IQCH: variants seen among roughly 807,000 people sequenced by gnomAD.
The protein encoded by IQCH is IQ domain-containing protein H.
IQCH carries 98 observed loss-of-function variants against 117.0 expected under a neutral mutation model. That is an observed-to-expected ratio of 0.84 (90% CI 0.71 to 0.99). The LOEUF (loss-of-function observed/expected upper bound fraction) is 0.99, where lower values mean the gene tolerates loss of function less well. Ranked by LOEUF, IQCH falls within the 50% of genes least tolerant of loss-of-function variation. The pLI is 0.00. For missense variants in IQCH, 1,102 were observed against 1,243.8 expected, an observed-to-expected ratio of 0.89 and a Z score of 1.72; for synonymous variants, 412 against 448.2, an observed-to-expected ratio of 0.92 and a Z score of 1.02.
Position 67,425,632 on chromosome 15 carries a change from C to T in IQCH, c.2505+4055C>T, listed in dbSNP as rs1229465268. Among the ~76,000 whole-genome samples the T allele has an allele frequency of 6.6e-6, 1 of 152,116 alleles. No individual in the cohort carries two copies. The highest frequency in any genetic ancestry group is 6.5e-5 in the Admixed American group (1 of 15,268). On this transcript the variant is annotated intron_variant, in intron 16 of 20. Coordinates refer to ENST00000335894, the MANE Select transcript of IQCH (RefSeq NM_001031715.3). This position sits in a 1 kb window ranked among gnomAD's most constrained non-coding sequence, Gnocchi z 5.5. ...GTCTCAAAAAACAAATTACTATTTC[C>T]TCCCTTGTAATTGATTAGTAATATT...
chr15:67,486,214 A>G (rs561349036), intron 18 of IQCH, among the ~76,000 whole-genome samples: 215 of 150,336 alleles, frequency 1.4e-3, no homozygotes, highest in African/African-American at 5.1e-3. Context: ...TTCTTTTTGT[A>G]TTTTTAATAG....
chr15:67,358,247 C>G (rs1174001928), intron 7 of IQCH, among the ~76,000 whole-genome samples: 1 of 71,490 alleles, frequency 1.4e-5, no homozygotes, highest in Non-Finnish European at 2.7e-5. Flanking sequence ...CTCTGTCACC[C>G]AGGCTGGCAC....
intron 15 of IQCH, among the ~76,000 whole-genome samples, chr15:67,418,463 A>C (rs1240487329): frequency 6.6e-6 from 1 of 151,012 alleles, no homozygotes; most frequent in East Asian, 2.0e-4. Flanking sequence ...ACTGATAGAC[A>C]AGTAAGGAAA....
rs2082590211 is a variant in IQCH at position 67,453,706 on chromosome 15, C to T, written c.2506-11421C>T. ...CTTGAGGAGGCAGTCTGCCCGTTCT[C>T]AGATCTCAAGCTGCATGCTGGGAGA... On this transcript the variant is annotated intron_variant, in intron 16 of 20. Transcript: ENST00000335894. This position sits in a 1 kb window ranked among gnomAD's most constrained non-coding sequence, Gnocchi z 5.8. 6.6e-6 allele frequency among the ~76,000 whole-genome samples: 1 copy of T among 152,214 alleles called. No individual in the cohort carries two copies. Among genetic ancestry groups the T allele is most frequent in the African/African-American group, 2.4e-5 (1 of 41,454 alleles).
chr15:67,464,564 G>A (rs1453479954), intron 16 of IQCH, among the ~76,000 whole-genome samples: 1 of 152,174 alleles, frequency 6.6e-6, no homozygotes, highest in Non-Finnish European at 1.5e-5. Context: ...TGTAGGACTG[G>A]TAAAATAAGA....
At chr15:67,262,437 G>A (rs1358006020) in intron 2 of IQCH, among the ~76,000 whole-genome samples, 1 of 152,340 alleles carries the variant, frequency 6.6e-6, no homozygotes, top group Non-Finnish European at 1.5e-5. Flanking sequence ...CCAAGGCTGT[G>A]AGAAATGTGG....
At chr15:67,451,789 C>G (rs942268022) in intron 16 of IQCH, among the ~76,000 whole-genome samples, 12 of 152,144 alleles carry the variant, frequency 7.9e-5, no homozygotes, top group Admixed American at 3.3e-4. Flanking sequence ...TGTTAACTTT[C>G]TGTCTCGTCG....
chr15:67,341,575 A>G (rs1969176451), intron 5 of IQCH, among the ~76,000 whole-genome samples: 1 of 152,224 alleles, frequency 6.6e-6, no homozygotes, highest in Admixed American at 6.5e-5. Context: ...TTCCTGTGAG[A>G]TACATCATTT....
chr15:67,410,340 G>A (rs2081417335), intron 14 of IQCH, among the ~76,000 whole-genome samples: 1 of 152,212 alleles, frequency 6.6e-6, no homozygotes, highest in Admixed American at 6.5e-5. Context: ...CTTCAGACAA[G>A]GCTCAATGAT....
chr15:67,409,683 C>T (rs539928638), intron 14 of IQCH, among the ~76,000 whole-genome samples: 1 of 152,326 alleles, frequency 6.6e-6, no homozygotes, highest in African/African-American at 2.4e-5. Context: ...GAATCACTTG[C>T]CACACAGCCG....
At position 67,491,850 on chromosome 15, in the gene IQCH, G is replaced by A. The variant is rs2141094453; in HGVS notation, c.2861+1786G>A. Among the ~76,000 whole-genome samples the A allele has an allele frequency of 6.6e-6, 1 of 152,132 alleles. No individual in the cohort carries two copies. Among genetic ancestry groups the A allele is most frequent in the South Asian group, 2.1e-4 (1 of 4,794 alleles). ...GAAAGCATTTTATCAACTGTGCCAG[G>A]CACAGTTCTAGGTGCTGGGGAAACA... On this transcript the variant is annotated intron_variant, in intron 19 of 20. Transcript: ENST00000335894. The surrounding 1 kb of genome is among the most constrained non-coding windows in gnomAD (Gnocchi z 4.9).
intron 4 of IQCH, among the ~76,000 whole-genome samples, chr15:67,295,159 C>A (rs891216830): frequency 6.6e-6 from 1 of 152,148 alleles, no homozygotes. Flanking sequence ...GATGATCTCT[C>A]TTCATACTCG....
At chr15:67,303,568 G>A (rs1967156196) in intron 4 of IQCH, among the ~76,000 whole-genome samples, 1 of 152,096 alleles carries the variant, frequency 6.6e-6, no homozygotes, top group Admixed American at 6.6e-5. Flanking sequence ...AGACCATTAA[G>A]TCTAACATGC....
chr15:67,490,495 C>T lies in IQCH; in HGVS notation c.2861+431C>T, dbSNP rs1440376061. Among the ~76,000 whole-genome samples the T allele has an allele frequency of 4.6e-5, 7 of 152,096 alleles. No homozygotes were observed. Among genetic ancestry groups the T allele is most frequent in the Admixed American group, 1.3e-4 (2 of 15,270 alleles). On this transcript the variant is annotated intron_variant, in intron 19 of 20. Coordinates refer to ENST00000335894, the MANE Select transcript of IQCH (RefSeq NM_001031715.3). This position sits in a 1 kb window ranked among gnomAD's most constrained non-coding sequence, Gnocchi z 4.9. ...CTGGGATTACAGGCCTGAGCCACTG[C>T]GCCCAGCCTAGGTATTTTATAAAAT...
chr15:67,323,444 G>A (rs940221477), intron 4 of IQCH, among the ~76,000 whole-genome samples: 14 of 151,804 alleles, frequency 9.2e-5, no homozygotes, highest in East Asian at 1.9e-4. Flanking sequence ...GGGTTTCACC[G>A]TGTTAGCCAG....
chr15:67,474,080 G>GTC lies in IQCH; in HGVS notation c.2677-1615_2677-1614insCT, dbSNP rs1278644987. Among the ~76,000 whole-genome samples, 4 of 150,270 alleles carry GTC rather than the reference G, an allele frequency of 2.7e-5. No individual in the cohort carries two copies. The highest frequency in any genetic ancestry group is 9.9e-5 in the African/African-American group (4 of 40,378). Reference sequence around the variant, plus strand: ...CCACGAAATCTGAGTGTGTGTGTGTGTGTGTGTGTGTGTGTGTGTGTGTGG... The same window carrying GTC: ...CCACGAAATCTGAGTGTGTGTGTGTGTCTGTGTGTGTGTGTGTGTGTGTGTGG... On this transcript the variant is annotated intron_variant, in intron 17 of 20. Coordinates refer to ENST00000335894, the MANE Select transcript of IQCH (RefSeq NM_001031715.3). This position sits in a 1 kb window ranked among gnomAD's most constrained non-coding sequence, Gnocchi z 4.1.
At chr15:67,498,046 A>C (rs2083871930) in intron 20 of IQCH, among the ~76,000 whole-genome samples, 1 of 152,186 alleles carries the variant, frequency 6.6e-6, no homozygotes, top group African/African-American at 2.4e-5. Flanking sequence ...ACCCAGAATA[A>C]CCAAAATAAT....
chr15:67,331,754 G>C (rs1432311863), intron 4 of IQCH, among the ~76,000 whole-genome samples: 1 of 152,158 alleles, frequency 6.6e-6, no homozygotes, highest in Non-Finnish European at 1.5e-5. Flanking sequence ...ATCTCCATCA[G>C]CTCCTCATTA....
intron 5 of IQCH, among the ~76,000 whole-genome samples, chr15:67,340,531 G>C (rs1380346429): frequency 6.7e-6 from 1 of 148,948 alleles, no homozygotes; most frequent in African/African-American, 2.5e-5. Flanking sequence ...CAAGGCCTTG[G>C]TTGAATAGTG....
Sources: gnomAD v4.1 joint callset for allele counts (sites outside exome capture counted in the v4.1 genomes callset) on GRCh38, gnomAD v4.1.1 for gene constraint, Gnocchi (gnomAD v3.1) non-coding constraint, MANE v1.5 for transcripts, NCBI Gene and HGNC (gene_info 2026-07-23, HGNC 2026-07-21) for gene names.